PITPNM2: variants seen among roughly 807,000 people sequenced by gnomAD.
PITPNM2 encodes the protein membrane-associated phosphatidylinositol transfer protein 2.
A neutral mutation model predicts 132.2 loss-of-function variants in PITPNM2; 35 were observed. That is an observed-to-expected ratio of 0.26 (90% CI 0.20 to 0.35). The LOEUF (loss-of-function observed/expected upper bound fraction) is 0.35, where lower values mean the gene tolerates loss of function less well. Among genes scored for constraint, PITPNM2 ranks in the 10% least tolerant of loss-of-function variants. PITPNM2 has a pLI of 1.00. For synonymous variants in PITPNM2, 738 were observed against 799.2 expected (o/e 0.92, Z 1.29); for missense variants, 1,332 against 1,912.0 (o/e 0.70, Z 5.66).
rs1175859324 is a variant in PITPNM2, at chr12:123,002,337, AAAAT to A, written c.1049-1183_1049-1180del. Among the ~76,000 whole-genome samples the A allele has an allele frequency of 7.9e-5, 12 of 152,362 alleles. No homozygotes were observed. The East Asian group carries it at 2.3e-3, about 29-fold the overall frequency. Reference sequence around the variant, plus strand: ...GGCAACAGAGTGAGACTCCGTCTCAAAAATAAATAAATAATAAATAAAAATAAAA... The same window carrying A: ...GGCAACAGAGTGAGACTCCGTCTCAAAAATAAATAATAAATAAAAATAAAA... On this transcript the variant is annotated intron_variant, in intron 8 of 25. Coordinates refer to ENST00000320201, the MANE Select transcript of PITPNM2 (RefSeq NM_020845.3).
At position 123,108,345 on chromosome 12, in the gene PITPNM2, T is replaced by G. The variant is rs1339946874; in HGVS notation, c.-96+2040A>C. ...CCACTGCACTCTGGAATGCAGTTGT[T>G]AAGAAGGAATAGAACCTCCTTCCTG... On this transcript the variant is annotated intron_variant, in intron 2 of 25. Coordinates refer to ENST00000320201, the MANE Select transcript of PITPNM2 (RefSeq NM_020845.3). This position sits in a 1 kb window ranked among gnomAD's most constrained non-coding sequence, Gnocchi z 4.4. 6.6e-6 allele frequency among the ~76,000 whole-genome samples: 1 copy of G among 152,172 alleles called. No homozygotes were observed. The highest frequency in any genetic ancestry group is 1.5e-5 in the Non-Finnish European group (1 of 68,024).
At chr12:123,094,440 G>A (rs1034273209) in intron 2 of PITPNM2, among the ~76,000 whole-genome samples, 3 of 152,220 alleles carry the variant, frequency 2.0e-5, no homozygotes, top group African/African-American at 7.2e-5. Flanking sequence ...GTGATCCTGT[G>A]CTTCCTGCCA....
rs373356072 is a variant in PITPNM2 at position 122,985,856 on chromosome 12, G to A, written c.*171C>T. On this transcript the variant is annotated 3_prime_UTR_variant, in exon 26 of 26. Coordinates refer to ENST00000320201, the MANE Select transcript of PITPNM2 (RefSeq NM_020845.3). The stretch of plus-strand genomic sequence containing the variant: ...ATGACAAGCCGGACCCGTCAGGCCC[G>A]AGGACGTGAGGCAGGGCAGGGAGCA... 27 of 590,130 alleles carry A rather than the reference G, an allele frequency of 4.6e-5. No individual in the cohort carries two copies. Among genetic ancestry groups the A allele is most frequent in the South Asian group, 2.5e-4 (6 of 23,944 alleles). The allele number at this position is 590,130 out of a possible 1,614,324, so 36.6% of individuals were successfully genotyped here. A position where few individuals can be genotyped will look rare whatever the true frequency, so the allele number is the denominator to read the frequency against.
At chr12:123,028,702 C>T (rs967522146) in intron 3 of PITPNM2, among the ~76,000 whole-genome samples, 3 of 152,194 alleles carry the variant, frequency 2.0e-5, no homozygotes, top group African/African-American at 4.8e-5. Flanking sequence ...GTGATTCTGA[C>T]GTACGTTCAC....
intron 3 of PITPNM2, among the ~76,000 whole-genome samples, chr12:123,025,257 C>G (rs1028478709): frequency 1.3e-5 from 2 of 152,190 alleles, no homozygotes; most frequent in African/African-American, 4.8e-5. Context: ...CATGCATACA[C>G]AGCCACAGGC....
Position 123,022,709 on chromosome 12 carries a change from G to A in PITPNM2, c.79-8667C>T, listed in dbSNP as rs564946688. Among the ~76,000 whole-genome samples, 612 of 152,320 alleles carry A rather than the reference G, an allele frequency of 4.0e-3. 18 individuals are homozygous for A. Among genetic ancestry groups the A allele is most frequent in the Non-Finnish European group, 8.5e-4 (58 of 68,030 alleles). ...ACTGTGGTAGTGCAGAGACAGAGAA[G>A]CAGCCACAGATTGCATTAAACTGCA... On this transcript the variant is annotated intron_variant, in intron 3 of 25. Transcript: ENST00000320201. This position sits in a 1 kb window ranked among gnomAD's most constrained non-coding sequence, Gnocchi z 4.9.
intron 2 of PITPNM2, among the ~76,000 whole-genome samples, chr12:123,055,371 A>C (rs1254805383): frequency 1.3e-5 from 2 of 152,238 alleles, no homozygotes; most frequent in African/African-American, 4.8e-5. Context: ...TCTTTCTGTG[A>C]ATCTGAGGAG....
intron 2 of PITPNM2, chr12:123,081,914 T>G (rs1046424378): frequency 6.6e-6 from 1 of 152,220 alleles, no homozygotes; most frequent in Non-Finnish European, 1.5e-5. Context: ...TAGTGGAGAC[T>G]CCAGAAAAAC....
chr12:123,139,944 T>C (rs1407191578), intron 1 of PITPNM2, among the ~76,000 whole-genome samples: 1 of 152,168 alleles, frequency 6.6e-6, no homozygotes, highest in Non-Finnish European at 1.5e-5. Flanking sequence ...TAAATCCCTC[T>C]TTCAAATTTA....
At chr12:123,015,618 AAG>A (rs2039395113) in intron 3 of PITPNM2, among the ~76,000 whole-genome samples, 1 of 152,206 alleles carries the variant, frequency 6.6e-6, no homozygotes, top group Admixed American at 6.5e-5. Context: ...AGTTTAAAAA[AAG>A]AAATAAAATC....
intron 2 of PITPNM2, 119 bp from the exon 3 acceptor site, chr12:123,034,804 A>G (rs1179737251): frequency 1.8e-6 from 1 of 551,928 alleles, no homozygotes; most frequent in Non-Finnish European, 3.2e-6. Context: ...CTGATCAGGC[A>G]TGATCCAACG....
Position 123,009,386 on chromosome 12 carries a change from C to T in PITPNM2, c.643+464G>A, listed in dbSNP as rs1481145282. Among the ~76,000 whole-genome samples, 9 of 152,138 alleles carry T rather than the reference C, an allele frequency of 5.9e-5. No homozygotes were observed. The highest frequency in any genetic ancestry group is 7.2e-5 in the African/African-American group (3 of 41,426). On this transcript the variant is annotated intron_variant, in intron 6 of 25. Coordinates refer to ENST00000320201, the MANE Select transcript of PITPNM2 (RefSeq NM_020845.3). This position sits in a 1 kb window ranked among gnomAD's most constrained non-coding sequence, Gnocchi z 4.8. ...AAGGCCACTATGATGTCTGAGACACCCTGCTCCTGGGAGCTTCCAGCCCAG... is the reference window on the plus strand; with the variant it reads ...AAGGCCACTATGATGTCTGAGACACTCTGCTCCTGGGAGCTTCCAGCCCAG...
chr12:123,080,695 A>T (rs1393011329), intron 2 of PITPNM2, among the ~76,000 whole-genome samples: 2 of 152,192 alleles, frequency 1.3e-5, no homozygotes, highest in East Asian at 3.9e-4. Context: ...CCCCACACCC[A>T]TGCTTTGAGA....
At chr12:123,026,260 C>T (rs770774536) in intron 3 of PITPNM2, among the ~76,000 whole-genome samples, 45 of 152,158 alleles carry the variant, frequency 3.0e-4, no homozygotes, top group Non-Finnish European at 6.2e-4. Flanking sequence ...GGAATGTGAC[C>T]TTATTTGGAA....
At position 122,985,852 on chromosome 12, in the gene PITPNM2, GC is replaced by G. The variant is rs1406663011; in HGVS notation, c.*174del. On this transcript the variant is annotated 3_prime_UTR_variant, in exon 26 of 26. Coordinates refer to ENST00000320201, the MANE Select transcript of PITPNM2 (RefSeq NM_020845.3). The stretch of plus-strand genomic sequence containing the variant: ...TTCCATGACAAGCCGGACCCGTCAG[GC>G]CCGAGGACGTGAGGCAGGGCAGGGA... 2.5e-5 allele frequency: 14 copies of G among 569,382 alleles called. No homozygotes were observed. The highest frequency in any genetic ancestry group is 4.4e-5 in the Admixed American group (1 of 22,770). 35.3% of individuals were successfully genotyped at this position (569,382 alleles called of 1,614,324 possible).
intron 3 of PITPNM2, among the ~76,000 whole-genome samples, chr12:123,030,562 A>G (rs935180577): frequency 1.3e-5 from 2 of 152,008 alleles, no homozygotes; most frequent in Admixed American, 6.6e-5. Context: ...GGGTGGTGGC[A>G]CGCGCCTGTA....
rs1266882261 is a variant in PITPNM2 at position 123,106,581 on chromosome 12, G to GGT, written c.-96+3802_-96+3803dup. ...AAGCCCTGCGTACTGAGCAGCGTCAGGTGTGTGTCAAAGAACCATATCAAT... is the reference window on the plus strand; with the variant it reads ...AAGCCCTGCGTACTGAGCAGCGTCAGGTGTGTGTGTCAAAGAACCATATCAAT... On this transcript the variant is annotated intron_variant, in intron 2 of 25. Coordinates refer to ENST00000320201, the MANE Select transcript of PITPNM2 (RefSeq NM_020845.3). This position sits in a 1 kb window ranked among gnomAD's most constrained non-coding sequence, Gnocchi z 4.4. Among the ~76,000 whole-genome samples, 1 of 152,218 alleles carries GGT rather than the reference G, an allele frequency of 6.6e-6. No individual in the cohort carries two copies. The highest frequency in any genetic ancestry group is 1.5e-5 in the Non-Finnish European group (1 of 68,030).
intron 2 of PITPNM2, among the ~76,000 whole-genome samples, chr12:123,072,160 T>C (rs138027012): frequency 6.7e-4 from 102 of 152,296 alleles, no homozygotes; most frequent in African/African-American, 2.3e-3. Flanking sequence ...GTGAGGACGC[T>C]GGCATGAAAC....
rs1246152918 is a variant in PITPNM2, at chr12:123,083,634, A to G, written c.-96+26751T>C. On this transcript the variant is annotated intron_variant, in intron 2 of 25. Coordinates refer to ENST00000320201, the MANE Select transcript of PITPNM2 (RefSeq NM_020845.3). The surrounding 1 kb of genome is among the most constrained non-coding windows in gnomAD (Gnocchi z 4.5). Reference sequence around the variant, plus strand: ...ATGACATGGGTAGATGAGAGTCCCCAGCCATGGAGGTGACAATGTGCCCTG... The same window carrying G: ...ATGACATGGGTAGATGAGAGTCCCCGGCCATGGAGGTGACAATGTGCCCTG... 1 of 152,314 alleles carries G rather than the reference A, an allele frequency of 6.6e-6. No individual in the cohort carries two copies. Among genetic ancestry groups the G allele is most frequent in the African/African-American group, 2.4e-5 (1 of 41,462 alleles). 9.4% of individuals were successfully genotyped at this position (152,314 alleles called of 1,614,324 possible).
Sources: allele counts gnomAD v4.1 joint callset (sites outside exome capture counted in the v4.1 genomes callset), GRCh38; gene constraint gnomAD v4.1.1; non-coding constraint Gnocchi (gnomAD v3.1); transcripts MANE v1.5; gene names NCBI Gene and HGNC (gene_info 2026-07-23, HGNC 2026-07-21).